The following FAM171A1 variants were observed in gnomAD, a reference collection of about 807,000 sequenced individuals.
The protein encoded by FAM171A1 is protein FAM171A1.
In FAM171A1, 23 loss-of-function variants were observed where a neutral mutation model predicts 74.9. The observed-to-expected ratio is 0.31, with a 90% CI of 0.22 to 0.44. The LOEUF (loss-of-function observed/expected upper bound fraction) is 0.44. Among genes scored for constraint, FAM171A1 ranks in the 20% least tolerant of loss-of-function variants. The pLI, the probability that FAM171A1 is intolerant of heterozygous loss-of-function variation, is 1.00. For missense variants in FAM171A1, 1,162 were observed against 1,159.2 expected (o/e 1.00, Z -0.03); for synonymous variants, 527 against 505.7 (o/e 1.04, Z -0.57).
At chr10:15,261,093 A>G (rs1409773335) in intron 3 of FAM171A1, among the ~76,000 whole-genome samples, 2 of 152,200 alleles carry the variant, frequency 1.3e-5, no homozygotes, top group Non-Finnish European at 2.9e-5. Context: ...CTCTATCTGA[A>G]TCTCTGTTCC....
intron 1 of FAM171A1, among the ~76,000 whole-genome samples, chr10:15,302,104 A>G (rs1835236684): frequency 6.6e-6 from 1 of 152,136 alleles, no homozygotes; most frequent in Admixed American, 6.5e-5. Context: ...GTAAATTCTA[A>G]CTATTCCTGC....
At chr10:15,279,357 C>A (rs745966949) in intron 2 of FAM171A1, among the ~76,000 whole-genome samples, 10 of 152,122 alleles carry the variant, frequency 6.6e-5, no homozygotes, top group Non-Finnish European at 1.3e-4. Flanking sequence ...TTGGCACCAG[C>A]AGGGACTTCC....
chr10:15,313,491 A>G (rs1052709114), intron 1 of FAM171A1, among the ~76,000 whole-genome samples: 8 of 152,254 alleles, frequency 5.3e-5, no homozygotes, highest in South Asian at 4.1e-4. Context: ...CAGCCTAGAA[A>G]GAAATTGAAG....
intron 5 of FAM171A1, among the ~76,000 whole-genome samples, chr10:15,226,154 A>G (rs77618325): frequency 0.038 from 5,782 of 152,108 alleles, 155 homozygotes; most frequent in African/African-American, 0.076. Context: ...CTCCTGCCTC[A>G]CCCCAGAAAC....
At chr10:15,246,338 T>C (rs1834435118) in intron 5 of FAM171A1, among the ~76,000 whole-genome samples, 1 of 152,136 alleles carries the variant, frequency 6.6e-6, no homozygotes, top group African/African-American at 2.4e-5. Context: ...AAAGTAAAAA[T>C]AAGACAAAAC....
At chr10:15,311,172 G>GA (rs1293104526) in intron 1 of FAM171A1, among the ~76,000 whole-genome samples, 1 of 152,146 alleles carries the variant, frequency 6.6e-6, no homozygotes, top group Non-Finnish European at 1.5e-5. Flanking sequence ...CCTTTAAAAA[G>GA]AAAAAACAGG....
chr10:15,364,717 T>C (rs1398539719), intron 1 of FAM171A1, among the ~76,000 whole-genome samples: 2 of 152,176 alleles, frequency 1.3e-5, no homozygotes, highest in Non-Finnish European at 2.9e-5. Context: ...TTCTGGAGGC[T>C]CTAGGGTAAA....
At chr10:15,307,872 C>G (rs1287505379) in intron 1 of FAM171A1, among the ~76,000 whole-genome samples, 1 of 150,908 alleles carries the variant, frequency 6.6e-6, no homozygotes, top group Non-Finnish European at 1.5e-5. Context: ...GCAGTGGCTA[C>G]AGCTCACTGC....
At position 15,301,497 on chromosome 10, in the gene FAM171A1, C is replaced by T. The variant is rs371521907; in HGVS notation, c.98-17392G>A. On this transcript the variant is annotated intron_variant, in intron 1 of 7. Transcript: ENST00000378116. ...GGATTACAGGCATGAGCCACCTTGC[C>T]GGGCCCTCTTCAAGGATGTTTCTTT... Among the ~76,000 whole-genome samples, 90 of 152,170 alleles carry T rather than the reference C, an allele frequency of 5.9e-4. No homozygotes were observed. In the South Asian group the frequency reaches 7.5e-3, roughly 13 times the overall value.
intron 1 of FAM171A1, among the ~76,000 whole-genome samples, chr10:15,346,853 G>C (rs568746715): frequency 1.3e-5 from 2 of 152,158 alleles, no homozygotes; most frequent in African/African-American, 4.8e-5. Flanking sequence ...AGAATCTCCA[G>C]GGAGGTAAAT....
At chr10:15,340,548 C>A (rs10737095) in intron 1 of FAM171A1, among the ~76,000 whole-genome samples, 4 of 152,082 alleles carry the variant, frequency 2.6e-5, no homozygotes, top group African/African-American at 7.2e-5. Flanking sequence ...ATCCTAAATC[C>A]CCACCTCCAT....
chr10:15,268,853 C>G (rs973551787), intron 3 of FAM171A1, among the ~76,000 whole-genome samples: 3 of 152,102 alleles, frequency 2.0e-5, no homozygotes, highest in African/African-American at 7.2e-5. Context: ...ACAAGCCTGG[C>G]CAACATAGTG....
intron 6 of FAM171A1, among the ~76,000 whole-genome samples, 199 bp downstream of exon 6, chr10:15,220,745 C>T (rs973941598): frequency 6.6e-6 from 1 of 152,180 alleles, no homozygotes; most frequent in African/African-American, 2.4e-5. Context: ...TATTCTTACC[C>T]TAGATGGAAG....
chr10:15,283,516 C>A (rs1381376363), intron 2 of FAM171A1, among the ~76,000 whole-genome samples: 1 of 152,172 alleles, frequency 6.6e-6, no homozygotes, highest in Non-Finnish European at 1.5e-5. Context: ...GGCGTTTGCT[C>A]GTTAAAATGC....
intron 3 of FAM171A1, among the ~76,000 whole-genome samples, chr10:15,262,919 C>T (rs1033873944): frequency 6.6e-5 from 10 of 152,180 alleles, no homozygotes; most frequent in Non-Finnish European, 1.0e-4. Flanking sequence ...CTCGGGAAGG[C>T]GTGCTTCCCT....
In FAM171A1 at chr10:15,214,256, A is replaced by C; in HGVS notation, c.1332T>G (p.Phe444Leu). The change falls in exon 8 of 8, where the codon TTT (phenylalanine) becomes TTG (leucine). Residue 444 changes from phenylalanine to leucine, a missense_variant. By Grantham distance (22) the Phe-to-Leu change is conservative. Coordinates refer to ENST00000378116, the MANE Select transcript of FAM171A1 (RefSeq NM_001010924.2). Reference protein sequence around the residue: ...CKEEDKSQISFDNLTPSGTLG... With the variant: ...CKEEDKSQISLDNLTPSGTLG... Reference sequence around the variant, plus strand: ...GCGTCCCACTTGGAGTGAGGTTATCAAAGGAGATCTGGCTTTTATCCTCTT... The same window carrying C: ...GCGTCCCACTTGGAGTGAGGTTATCCAAGGAGATCTGGCTTTTATCCTCTT... 6.2e-7 allele frequency: 1 copy of C among 1,614,100 alleles called. No individual in the cohort carries two copies. Among genetic ancestry groups the C allele is most frequent in the East Asian group, 2.2e-5 (1 of 44,866 alleles).
rs569606140 is a variant in FAM171A1 at position 15,250,584 on chromosome 10, C to T, written c.578-1769G>A. ...AACAGCTTGGGCAACATAGTGAAAC[C>T]CCGTTTGCACAAAAAAATACAAAAA... On this transcript the variant is annotated intron_variant, in intron 4 of 7. Coordinates refer to ENST00000378116, the MANE Select transcript of FAM171A1 (RefSeq NM_001010924.2). Among the ~76,000 whole-genome samples the T allele has an allele frequency of 1.4e-4, 21 of 152,252 alleles. No individual in the cohort carries two copies. In the South Asian group the frequency reaches 4.3e-3, roughly 32 times the overall value.
chr10:15,219,789 C>G (rs898371295), intron 6 of FAM171A1, among the ~76,000 whole-genome samples: 10 of 152,154 alleles, frequency 6.6e-5, no homozygotes, highest in African/African-American at 2.2e-4. Context: ...ACCATGTTAG[C>G]CAGGATGGTC....
rs1554837220 is a variant in FAM171A1, at chr10:15,296,853, T to TTA, written c.98-12749_98-12748insTA. ...TGGAAGAGAAAAATCTGCTGGAACT[T>TTA]AGAGTACCACTGTGTGCCTTTCTGT... On this transcript the variant is annotated intron_variant, in intron 1 of 7. Coordinates refer to ENST00000378116, the MANE Select transcript of FAM171A1 (RefSeq NM_001010924.2). Among the ~76,000 whole-genome samples, 6 of 152,070 alleles carry TTA rather than the reference T, an allele frequency of 3.9e-5. No homozygotes were observed. The East Asian group carries it at 1.2e-3, about 30-fold the overall frequency.
Sources: allele counts gnomAD v4.1 joint callset (sites outside exome capture counted in the v4.1 genomes callset), GRCh38; gene constraint gnomAD v4.1.1; transcripts MANE v1.5; gene names NCBI Gene and HGNC (gene_info 2026-07-23, HGNC 2026-07-21).